Variants in CNMD observed in about 807,000 individuals in gnomAD.
CNMD encodes the protein leukocyte cell-derived chemotaxin 1.
CNMD carries 30 observed loss-of-function variants against 37.5 expected under a neutral mutation model. That is an observed-to-expected ratio of 0.80 (90% CI 0.60 to 1.09). CNMD has a LOEUF of 1.09. Among genes scored for constraint, CNMD ranks in the 50% least tolerant of loss-of-function variants. The pLI is 0.00. For synonymous variants in CNMD, 167 were observed against 148.2 expected, an observed-to-expected ratio of 1.13 and a Z score of -0.92; for missense variants, 398 against 423.9, an observed-to-expected ratio of 0.94 and a Z score of 0.54.
chr13:52,732,376 A>G (rs946811007), intron 3 of CNMD, among the ~76,000 whole-genome samples: 2 of 152,220 alleles, frequency 1.3e-5, no homozygotes, highest in Non-Finnish European at 2.9e-5. Flanking sequence ...TTCGGCCTGA[A>G]GTGACACTTT....
intron 3 of CNMD, among the ~76,000 whole-genome samples, chr13:52,729,030 A>G (rs1566229666): frequency 6.6e-6 from 1 of 152,232 alleles, no homozygotes; most frequent in Non-Finnish European, 1.5e-5. Context: ...GAAATTTGCT[A>G]GCAAGGGTGA....
chr13:52,733,775 T>C (rs141223932), intron 2 of CNMD, among the ~76,000 whole-genome samples: 6 of 152,320 alleles, frequency 3.9e-5, no homozygotes, highest in East Asian at 1.9e-4. Flanking sequence ...GCACTATTGA[T>C]GGATAAATGG....
At chr13:52,733,094 C>T (rs1282348247) in intron 3 of CNMD, 125 bp downstream of exon 3, 1 of 880,096 alleles carries the variant, frequency 1.1e-6, no homozygotes, top group Non-Finnish European at 1.9e-6. Flanking sequence ...GGATTAGTGG[C>T]ACTACAACTG....
intron 3 of CNMD, among the ~76,000 whole-genome samples, chr13:52,724,571 C>A (rs1304341269): frequency 1.3e-5 from 2 of 149,736 alleles, no homozygotes; most frequent in African/African-American, 4.9e-5. Flanking sequence ...ACAGCCTGGG[C>A]AACAGAGCAA....
chr13:52,708,706 CA>C lies in CNMD; in HGVS notation c.623-5del. 1 of 1,586,968 alleles carries C rather than the reference CA, an allele frequency of 6.3e-7. No homozygotes were observed. The highest frequency in any genetic ancestry group is 8.5e-7 in the Non-Finnish European group (1 of 1,170,344). On this transcript the variant is annotated splice_polypyrimidine_tract_variant and splice_region_variant and intron_variant, in intron 5 of 6. Coordinates refer to ENST00000377962, the MANE Select transcript of CNMD (RefSeq NM_007015.3). ...TCTCTTCTTTCCCTCTGGATTTCTG[CA>C]AAAATTTCTGTAAATTAATCCCTTT...
At chr13:52,725,434 T>A (rs1964556045) in intron 3 of CNMD, among the ~76,000 whole-genome samples, 1 of 152,182 alleles carries the variant, frequency 6.6e-6, no homozygotes, top group South Asian at 2.1e-4. Context: ...TTAGATGTTT[T>A]TTTTTTGTCT....
rs200255794 is a variant in CNMD at position 52,723,998 on chromosome 13, A to T, written c.467T>A (p.Leu156Gln). The change falls in exon 4 of 7, where the codon CTG becomes CAG. Residue 156 changes from leucine to glutamine, a missense_variant and splice_region_variant. Coordinates refer to ENST00000377962, the MANE Select transcript of CNMD (RefSeq NM_007015.3). ...TGTCTCAGGCATGTTGGTACCCACCAGTTTGGAGGAGATGCTCTGTTTGGT... is the reference window on the plus strand; with the variant it reads ...TGTCTCAGGCATGTTGGTACCCACCTGTTTGGAGGAGATGCTCTGTTTGGT... ...AVTKQSISSK[L>Q]EGKIMPVKYE... 8.5e-5 allele frequency: 136 copies of T among 1,598,724 alleles called. No individual in the cohort carries two copies. Among genetic ancestry groups the T allele is most frequent in the Non-Finnish European group, 1.1e-4 (133 of 1,166,056 alleles).
At chr13:52,726,912 G>A (rs1245230536) in intron 3 of CNMD, among the ~76,000 whole-genome samples, 3 of 152,090 alleles carry the variant, frequency 2.0e-5, no homozygotes, top group Non-Finnish European at 4.4e-5. Context: ...GAAAAAGAAC[G>A]AAATAGAAAT....
chr13:52,711,598 A>G (rs1371708011), intron 5 of CNMD, among the ~76,000 whole-genome samples: 1 of 152,188 alleles, frequency 6.6e-6, no homozygotes, highest in Non-Finnish European at 1.5e-5. Context: ...CAGGCTGGAG[A>G]GGAGCCATCT....
chr13:52,708,560 G>A lies in CNMD; in HGVS notation c.765C>T (p.Ala255=), dbSNP rs983100152. ...CATGATAAGGATTATCAGGATTGAAGGCTTGTGAGTCCTCTTGAACACTGG... is the reference window on the plus strand; with the variant it reads ...CATGATAAGGATTATCAGGATTGAAAGCTTGTGAGTCCTCTTGAACACTGG... ...TRPSVQEDSQ[A]FNPDNPYHQQ... Residue 255 remains alanine (A), a synonymous_variant, in exon 6 of 7, where the codon GCC becomes GCT. Transcript: ENST00000377962. 3 of 1,612,358 alleles carry A rather than the reference G, an allele frequency of 1.9e-6. No individual in the cohort carries two copies. The highest frequency in any genetic ancestry group is 2.7e-5 in the African/African-American group (2 of 74,912).
At chr13:52,713,841 G>C (rs188840228) in intron 4 of CNMD, among the ~76,000 whole-genome samples, 319 of 152,200 alleles carry the variant, frequency 2.1e-3, no homozygotes, top group African/African-American at 5.9e-3. Context: ...GGGGTGATTG[G>C]GATAATGCAT....
chr13:52,723,103 A>T (rs538848580), intron 4 of CNMD, among the ~76,000 whole-genome samples: 6,020 of 151,488 alleles, frequency 0.04, 145 homozygotes, highest in South Asian at 0.063. Context: ...GGGTTTTTTT[A>T]TTTTTTGAGA....
chr13:52,712,642 G>A, intron 5 of CNMD, 74 bp downstream of exon 5: 1 of 965,786 alleles, frequency 1.0e-6, no homozygotes, highest in African/African-American at 1.7e-5. Flanking sequence ...TCAGGCCTGT[G>A]GAGGGGGTTG....
At chr13:52,737,922 T>G (rs1012899562) in intron 2 of CNMD, among the ~76,000 whole-genome samples, 2 of 152,234 alleles carry the variant, frequency 1.3e-5, no homozygotes, top group African/African-American at 2.4e-5. Flanking sequence ...TTTGATATAG[T>G]CTCTAAAACA....
chr13:52,723,943 C>T, intron 4 of CNMD, 54 bp downstream of exon 4: 1 of 1,139,620 alleles, frequency 8.8e-7, no homozygotes, highest in African/African-American at 1.5e-5. Context: ...AGGGTTGTGC[C>T]TTCAAACAAT....
chr13:52,707,786 T>C (rs1594275322), intron 6 of CNMD, among the ~76,000 whole-genome samples: 1 of 152,160 alleles, frequency 6.6e-6, no homozygotes, highest in Non-Finnish European at 1.5e-5. Flanking sequence ...GAGGTAATGC[T>C]TAAGTGTTCT....
chr13:52,738,769 G>A (rs1361876640), intron 2 of CNMD, among the ~76,000 whole-genome samples: 2 of 152,172 alleles, frequency 1.3e-5, no homozygotes, highest in African/African-American at 2.4e-5. Flanking sequence ...GAGATGAGCC[G>A]AGAACGGCCT....
Position 52,724,083 on chromosome 13 carries a change from C to T in CNMD, c.382G>A (p.Gly128Arg), listed in dbSNP as rs760315134. 1 of 1,613,936 alleles carries T rather than the reference C, an allele frequency of 6.2e-7. No individual in the cohort carries two copies. Among genetic ancestry groups the T allele is most frequent in the Non-Finnish European group, 8.5e-7 (1 of 1,179,898 alleles). The change falls in exon 4 of 7, where the codon GGA becomes AGA. Residue 128 changes from glycine to arginine, a missense_variant. Gly to Arg is a moderately radical substitution (Grantham distance 125, BLOSUM62 -2). Transcript: ENST00000377962. ...TGCGCTTTAATGTAGCACTTCTCTC[C>T]TCCAGCAAAACGAATTCCTGTGATG... ...NGITGIRFAG[G>R]EKCYIKAQVK...
At chr13:52,709,268 A>G (rs1964251178) in intron 5 of CNMD, among the ~76,000 whole-genome samples, 1 of 152,196 alleles carries the variant, frequency 6.6e-6, no homozygotes, top group Non-Finnish European at 1.5e-5. Context: ...ACAGGTAGTA[A>G]AATGGTAACT....
Sources: gnomAD v4.1 joint callset for allele counts (sites outside exome capture counted in the v4.1 genomes callset) on GRCh38, gnomAD v4.1.1 for gene constraint, MANE v1.5 for transcripts, NCBI Gene and HGNC (gene_info 2026-07-23, HGNC 2026-07-21) for gene names.